The following RHBDF2 variants were observed in gnomAD, a reference collection of about 807,000 sequenced individuals.
The protein encoded by RHBDF2 is rhomboid 5 homolog 2, also known as inactive rhomboid protein 2.
In RHBDF2, 38 loss-of-function variants were observed where a neutral mutation model predicts 95.2. That is an observed-to-expected ratio of 0.40 (90% CI 0.31 to 0.52). The LOEUF is 0.52. RHBDF2 is among the 20% of genes least tolerant of loss of function. The pLI, the probability that RHBDF2 is intolerant of heterozygous loss-of-function variation, is 0.56. For synonymous variants in RHBDF2, 442 were observed against 462.0 expected (o/e 0.96, Z 0.55); for missense variants, 863 against 1,137.7 (o/e 0.76, Z 3.47).
chr17:76,477,061 C>T (rs2073795336), intron 8 of RHBDF2, 37 bp from the exon 9 acceptor site: 1 of 1,611,356 alleles, frequency 6.2e-7, no homozygotes, highest in African/African-American at 1.3e-5. Flanking sequence ...GAATCCCCCA[C>T]CAAAATACTC....
intron 1 of RHBDF2, among the ~76,000 whole-genome samples, chr17:76,497,188 G>A (rs868838555): frequency 6.6e-6 from 1 of 152,172 alleles, no homozygotes. Context: ...AGGGTTGGCG[G>A]CCACACGGGG....
At chr17:76,473,611 C>G (rs759443048) in intron 15 of RHBDF2, 37 bp downstream of exon 15, 116 of 1,534,336 alleles carry the variant, frequency 7.6e-5, no homozygotes, top group Non-Finnish European at 2.4e-5. Context: ...CTCGGGGGGG[C>G]AGTGGGATGG....
intron 18 of RHBDF2, 143 bp downstream of exon 18, chr17:76,472,543 G>T: frequency 1.9e-6 from 2 of 1,036,112 alleles, no homozygotes; most frequent in Non-Finnish European, 2.9e-6. Context: ...CAGCCAGTAA[G>T]CCCCCAGATT....
chr17:76,482,169 G>A (rs1390451363), intron 2 of RHBDF2, among the ~76,000 whole-genome samples: 3 of 151,998 alleles, frequency 2.0e-5, no homozygotes, highest in East Asian at 1.9e-4. Flanking sequence ...TGATCTCTCC[G>A]CTTGAGGCAA....
chr17:76,474,077 C>T lies in RHBDF2; in HGVS notation c.1530G>A (p.Leu510=). ...CAGCCCCCGAAGTCCGCTTCTGGCC[C>T]AGATCAGACTTGTCCATGGGGGGCC... ...DTGPPMDKSD[L]GQKRTSGAVC... Residue 510 remains leucine (L), a synonymous_variant, in exon 13 of 19, where the codon CTG becomes CTA. Transcript: ENST00000675367. 1 of 1,612,384 alleles carries T rather than the reference C, an allele frequency of 6.2e-7. No individual in the cohort carries two copies. Among genetic ancestry groups the T allele is most frequent in the Non-Finnish European group, 8.5e-7 (1 of 1,179,654 alleles).
Position 76,472,053 on chromosome 17 carries a change from CTGG to C in RHBDF2, c.2065-4_2065-2del. On this transcript the variant is annotated splice_acceptor_variant and splice_polypyrimidine_tract_variant and intron_variant, in intron 18 of 18. Transcript: ENST00000675367. LOFTEE classifies it high-confidence loss of function. Reference sequence around the variant, plus strand: ...CGAACTGTGAGCCGGCCGGGCCCACCTGGGGCGGGGCAGGGGAGACGTGGCTTC... The same window carrying C: ...CGAACTGTGAGCCGGCCGGGCCCACCGGCGGGGCAGGGGAGACGTGGCTTC... 1 of 1,555,976 alleles carries C rather than the reference CTGG, an allele frequency of 6.4e-7. No homozygotes were observed. The highest frequency in any genetic ancestry group is 8.7e-7 in the Non-Finnish European group (1 of 1,150,632).
chr17:76,485,611 G>A (rs372112440), intron 2 of RHBDF2, among the ~76,000 whole-genome samples: 3 of 152,214 alleles, frequency 2.0e-5, no homozygotes, highest in South Asian at 2.1e-4. Flanking sequence ...AACAAAAAAT[G>A]AGCAGATGGC....
chr17:76,486,855 A>T (rs1162565398), intron 2 of RHBDF2, among the ~76,000 whole-genome samples: 2 of 151,812 alleles, frequency 1.3e-5, no homozygotes, highest in African/African-American at 4.8e-5. Flanking sequence ...CCAGACCATC[A>T]CACAGAGGAG....
intron 9 of RHBDF2, among the ~76,000 whole-genome samples, chr17:76,475,408 C>T (rs1241748852): frequency 1.3e-5 from 2 of 152,202 alleles, no homozygotes; most frequent in Non-Finnish European, 2.9e-5. Context: ...TGACCGACCA[C>T]CTCTCTGGCC....
chr17:76,484,753 TA>T (rs1273245513), intron 2 of RHBDF2, among the ~76,000 whole-genome samples: 3 of 152,180 alleles, frequency 2.0e-5, no homozygotes, highest in African/African-American at 7.2e-5. Context: ...TGCCCTTGCT[TA>T]CCCCTGACCC....
At chr17:76,499,562 G>C (rs898471048) in intron 1 of RHBDF2, among the ~76,000 whole-genome samples, 1 of 152,182 alleles carries the variant, frequency 6.6e-6, no homozygotes, top group Non-Finnish European at 1.5e-5. Context: ...TCCAGGGCTC[G>C]TCAGCTAACC....
At chr17:76,492,355 C>T (rs75022171) in intron 1 of RHBDF2, among the ~76,000 whole-genome samples, 57 of 152,316 alleles carry the variant, frequency 3.7e-4, no homozygotes, top group Admixed American at 7.8e-4. Flanking sequence ...AGCAGCGGAC[C>T]TCAGACACAT....
In RHBDF2 at chr17:76,475,034, T is replaced by A. The variant is rs2073723478; in HGVS notation, c.1223A>T (p.Gln408Leu). ...ATGGAGCCTGACCCGACTCACCAGC[T>A]GGGTGGTGACGTGCTGGGCAAAGCC... is the stretch of plus-strand genomic sequence containing the variant. ...PVGFAQHVTT[Q>L]LVLRNKGVYE... Residue 408 changes from glutamine (Q) to leucine (L), a missense_variant, in exon 10 of 19, where the codon CAG (glutamine) becomes CTG (leucine). By Grantham distance (113) the Gln-to-Leu change is moderately radical (BLOSUM62 -2). Transcript: ENST00000675367. The A allele has an allele frequency of 6.3e-7, 1 of 1,581,146 alleles. No individual in the cohort carries two copies. Among genetic ancestry groups the A allele is most frequent in the Admixed American group, 1.9e-5 (1 of 53,570 alleles).
intron 2 of RHBDF2, among the ~76,000 whole-genome samples, chr17:76,483,892 A>G (rs2074044312): frequency 6.6e-6 from 1 of 152,096 alleles, no homozygotes; most frequent in African/African-American, 2.4e-5. Context: ...TGACTCCACC[A>G]GAATTAACAC....
At chr17:76,482,917 C>T (rs1164342478) in intron 2 of RHBDF2, among the ~76,000 whole-genome samples, 2 of 151,862 alleles carry the variant, frequency 1.3e-5, no homozygotes, top group African/African-American at 4.8e-5. Context: ...CACGTACAAT[C>T]CCAACACTTT....
intron 1 of RHBDF2, among the ~76,000 whole-genome samples, chr17:76,488,498 T>C (rs1240536775): frequency 3.0e-5 from 3 of 99,152 alleles, no homozygotes; most frequent in African/African-American, 5.9e-5. Context: ...AGACTCTGCC[T>C]CAAAAAACAA....
Position 76,473,756 on chromosome 17 carries a change from G to A in RHBDF2, c.1639-14C>T. ...CTCTGTGCAGATCTGCCAGGAGGGG[G>A]CACCGGCAGGGAAGTGGGCTGTGCA... On this transcript the variant is annotated splice_polypyrimidine_tract_variant and intron_variant, in intron 14 of 18. Transcript: ENST00000675367. 6.2e-7 allele frequency: 1 copy of A among 1,611,422 alleles called. No individual in the cohort carries two copies. The highest frequency in any genetic ancestry group is 8.5e-7 in the Non-Finnish European group (1 of 1,178,652).
intron 2 of RHBDF2, among the ~76,000 whole-genome samples, chr17:76,484,739 C>T (rs1159378870): frequency 6.6e-6 from 1 of 152,210 alleles, no homozygotes; most frequent in South Asian, 2.1e-4. Context: ...TTCGTCTCTT[C>T]CTGTGCCCTT....
chr17:76,481,750 C>T lies in RHBDF2; in HGVS notation c.-21-205G>A, dbSNP rs148593277. 6.6e-3 allele frequency: 2,661 copies of T among 405,422 alleles called. 47 individuals are homozygous for T. Among genetic ancestry groups the T allele is most frequent in the African/African-American group, 0.042 (2,100 of 49,780 alleles). 25.1% of individuals were successfully genotyped at this position (405,422 alleles called of 1,614,324 possible). A position where few individuals can be genotyped will look rare whatever the true frequency, so the allele number is the denominator to read the frequency against. ...TGGGGGGATCACGAGGTCAGGAGAT[C>T]GAGACCATCCTGGCCAACATGGTGA... On this transcript the variant is annotated intron_variant, in intron 2 of 18. Transcript: ENST00000675367.
Sources: gnomAD v4.1 joint callset for allele counts (sites outside exome capture counted in the v4.1 genomes callset) on GRCh38, gnomAD v4.1.1 for gene constraint, MANE v1.5 for transcripts, NCBI Gene and HGNC (gene_info 2026-07-23, HGNC 2026-07-21) for gene names.